Variants in RFX7 observed in about 807,000 individuals in gnomAD.
RFX7 encodes the protein regulatory factor X7.
A neutral mutation model predicts 111.8 loss-of-function variants in RFX7; 26 were observed. The observed-to-expected ratio is 0.23, with a 90% CI of 0.17 to 0.32. RFX7 has a LOEUF of 0.32. Among genes scored for constraint, RFX7 ranks in the 10% least tolerant of loss-of-function variants. The pLI, the probability that RFX7 is intolerant of heterozygous loss-of-function variation, is 1.00. For synonymous variants in RFX7, 624 were observed against 624.4 expected (o/e 1.00, Z 0.01); for missense variants, 1,573 against 1,772.9 (o/e 0.89, Z 2.02).
chr15:56,140,479 G>A (rs955450919), intron 5 of RFX7, among the ~76,000 whole-genome samples: 19 of 152,168 alleles, frequency 1.2e-4, no homozygotes, highest in Admixed American at 1.3e-4. Context: ...TTCGGCTGGC[G>A]CACGGTGCAC....
intron 2 of RFX7, among the ~76,000 whole-genome samples, chr15:56,216,418 A>G (rs1227830591): frequency 6.6e-6 from 1 of 152,188 alleles, no homozygotes; most frequent in African/African-American, 2.4e-5. Flanking sequence ...TATTGGCATC[A>G]AGTTGCTTAT....
intron 3 of RFX7, among the ~76,000 whole-genome samples, chr15:56,167,063 G>A (rs1595982031): frequency 2.0e-5 from 3 of 152,282 alleles, no homozygotes; most frequent in South Asian, 2.1e-4. Context: ...TCTCATGGGA[G>A]GCTGAGGCAG....
chr15:56,195,706 G>A (rs12442539), intron 2 of RFX7, among the ~76,000 whole-genome samples: 30,605 of 152,142 alleles, frequency 0.2, 3,491 homozygotes, highest in East Asian at 0.44. Flanking sequence ...GAATCATACA[G>A]TGGTGTTCAC....
At chr15:56,147,576 TA>T (rs1344927766) in intron 3 of RFX7, among the ~76,000 whole-genome samples, 3 of 145,494 alleles carry the variant, frequency 2.1e-5, no homozygotes, top group Non-Finnish European at 3.0e-5. Context: ...ATAAAAAATC[TA>T]ATTTTTTTTT....
intron 2 of RFX7, among the ~76,000 whole-genome samples, chr15:56,225,906 A>G (rs900096154): frequency 6.6e-6 from 1 of 152,196 alleles, no homozygotes; most frequent in Non-Finnish European, 1.5e-5. Context: ...CTCAGATTCT[A>G]AATGTTAAAA....
rs146867173 is a variant in RFX7, at chr15:56,234,458, C to T, written c.161+8667G>A. Among the ~76,000 whole-genome samples the T allele has an allele frequency of 2.0e-3, 303 of 152,208 alleles. 2 individuals are homozygous for T. The highest frequency in any genetic ancestry group is 7.0e-3 in the African/African-American group (291 of 41,540). ...AAATGCTGCTTGCTAGTGGCTCCTG[C>T]TTCAGAAAAAAGGACATGCATTTAA... On this transcript the variant is annotated intron_variant, in intron 2 of 9. Transcript: ENST00000559447.
chr15:56,147,722 C>T (rs746222323), intron 3 of RFX7, among the ~76,000 whole-genome samples: 3 of 152,206 alleles, frequency 2.0e-5, no homozygotes, highest in South Asian at 4.2e-4. Flanking sequence ...TACTGGCACC[C>T]GCCACCAGGC....
chr15:56,127,449 C>G (rs1206344494), intron 5 of RFX7, among the ~76,000 whole-genome samples: 1 of 148,536 alleles, frequency 6.7e-6, no homozygotes, highest in Non-Finnish European at 1.5e-5. Flanking sequence ...CCTAAACAAG[C>G]AGAAGAAGGC....
intron 2 of RFX7, among the ~76,000 whole-genome samples, chr15:56,207,276 G>A (rs2043263730): frequency 6.6e-6 from 1 of 152,110 alleles, no homozygotes; most frequent in Non-Finnish European, 1.5e-5. Flanking sequence ...CTAGAAGGAG[G>A]AGGAAATGGG....
intron 2 of RFX7, among the ~76,000 whole-genome samples, chr15:56,179,572 G>A (rs946417918): frequency 1.3e-5 from 2 of 152,074 alleles, no homozygotes; most frequent in Admixed American, 6.6e-5. Context: ...TTTTAACAGT[G>A]TATAAGTGCA....
intron 2 of RFX7, among the ~76,000 whole-genome samples, chr15:56,228,673 ATG>A (rs1192169115): frequency 6.6e-6 from 1 of 152,200 alleles, no homozygotes; most frequent in African/African-American, 2.4e-5. Flanking sequence ...AACTTTTAAA[ATG>A]AGGCTGTAGG....
chr15:56,103,527 T>G (rs748573877), intron 6 of RFX7, 27 bp downstream of exon 6: 4 of 1,427,086 alleles, frequency 2.8e-6, no homozygotes, highest in Non-Finnish European at 3.9e-6. Flanking sequence ...ACAGAGATAT[T>G]ACTAACACCA....
intron 3 of RFX7, among the ~76,000 whole-genome samples, chr15:56,167,514 T>G (rs558832771): frequency 6.6e-6 from 1 of 152,122 alleles, no homozygotes; most frequent in Non-Finnish European, 1.5e-5. Context: ...TTATGAAAAA[T>G]GTAACTGGAT....
chr15:56,104,266 T>C (rs1454794087), intron 5 of RFX7, among the ~76,000 whole-genome samples: 1 of 152,176 alleles, frequency 6.6e-6, no homozygotes, highest in Non-Finnish European at 1.5e-5. Context: ...TGTAAGACAG[T>C]AACTTCAAGT....
intron 5 of RFX7, among the ~76,000 whole-genome samples, chr15:56,109,451 C>T (rs2041878996): frequency 6.6e-6 from 1 of 152,234 alleles, no homozygotes; most frequent in Non-Finnish European, 1.5e-5. Context: ...AGATTGCAGC[C>T]TCTGCCTGGC....
rs571456764 is a variant in RFX7 at position 56,243,785 on chromosome 15, ACGCCGCCGCCGC to A, written c.-355_-344del. Among the ~76,000 whole-genome samples, 2 of 147,472 alleles carry A rather than the reference ACGCCGCCGCCGC, an allele frequency of 1.4e-5. No homozygotes were observed. Among genetic ancestry groups the A allele is most frequent in the African/African-American group, 4.9e-5 (2 of 40,640 alleles). ...CAGGCACCGCTCCACGCCACTCCCCACGCCGCCGCCGCCGCCGCCGCTCGCTCCCGGCCCCGC... is the reference window on the plus strand; with the variant it reads ...CAGGCACCGCTCCACGCCACTCCCCACGCCGCCGCTCGCTCCCGGCCCCGC... On this transcript the variant is annotated 5_prime_UTR_variant, in exon 1 of 10. Transcript: ENST00000559447.
At chr15:56,185,388 A>G (rs76311600) in intron 2 of RFX7, among the ~76,000 whole-genome samples, 1,862 of 152,248 alleles carry the variant, frequency 0.012, 41 homozygotes, top group African/African-American at 0.041. Flanking sequence ...TTTATCTGCT[A>G]GAGGGATTTC....
chr15:56,212,849 T>C (rs1488288251), intron 2 of RFX7, among the ~76,000 whole-genome samples: 2 of 151,758 alleles, frequency 1.3e-5, no homozygotes, highest in African/African-American at 2.4e-5. Context: ...CTTGAAAAAA[T>C]ATATCACCAA....
chr15:56,115,270 C>T (rs1366295494), intron 5 of RFX7, among the ~76,000 whole-genome samples: 1 of 152,192 alleles, frequency 6.6e-6, no homozygotes, highest in East Asian at 1.9e-4. Context: ...CCTCGGCCTC[C>T]CAAAGTGCTG....
Sources: allele counts gnomAD v4.1 joint callset (sites outside exome capture counted in the v4.1 genomes callset), GRCh38; gene constraint gnomAD v4.1.1; transcripts MANE v1.5; gene names NCBI Gene and HGNC (gene_info 2026-07-23, HGNC 2026-07-21).